The following PPARD variants were observed in gnomAD, a reference collection of about 807,000 sequenced individuals.
PPARD encodes peroxisome proliferator activated receptor delta.
In PPARD, 6 loss-of-function variants were observed where a neutral mutation model predicts 39.5. The observed-to-expected ratio is 0.15, with a 90% CI of 0.08 to 0.30. The LOEUF is 0.30. Ranked by LOEUF, PPARD falls within the 10% of genes least tolerant of loss-of-function variation. PPARD has a pLI of 1.00. For missense variants in PPARD, 397 were observed against 596.8 expected (o/e 0.67, Z 3.49); for synonymous variants, 210 against 231.3 (o/e 0.91, Z 0.83).
chr6:35,356,769 T>A (rs900551709), intron 2 of PPARD, among the ~76,000 whole-genome samples: 1 of 152,090 alleles, frequency 6.6e-6, no homozygotes, highest in African/African-American at 2.4e-5. Context: ...TGGTTGAGAG[T>A]CACTGCTCTA....
chr6:35,423,150 T>C (rs959459983), intron 5 of PPARD, among the ~76,000 whole-genome samples: 1 of 151,592 alleles, frequency 6.6e-6, no homozygotes. Context: ...AGGATCACTT[T>C]AGCCCAGGAG....
In PPARD at chr6:35,345,325, G is replaced by T. The variant is rs114950576; in HGVS notation, c.-185-1742G>T. ...TTCTGACACAAGGTTTTGTTCTATTGCCCAGGCTGGAGTGCAGTGGTGCTA... is the reference window on the plus strand; with the variant it reads ...TTCTGACACAAGGTTTTGTTCTATTTCCCAGGCTGGAGTGCAGTGGTGCTA... On this transcript the variant is annotated intron_variant, in intron 1 of 7. Transcript: ENST00000360694. Among the ~76,000 whole-genome samples the T allele has an allele frequency of 7.4e-3, 1,120 of 152,100 alleles. 11 individuals carry two copies. The highest frequency in any genetic ancestry group is 0.026 in the African/African-American group (1,070 of 41,484).
At chr6:35,357,015 G>A (rs1395322345) in intron 2 of PPARD, among the ~76,000 whole-genome samples, 1 of 150,868 alleles carries the variant, frequency 6.6e-6, no homozygotes, top group Non-Finnish European at 1.5e-5. Context: ...TGTCCACAAT[G>A]TACAGCTCTT....
At chr6:35,364,517 T>G (rs1470142206) in intron 2 of PPARD, among the ~76,000 whole-genome samples, 1 of 149,226 alleles carries the variant, frequency 6.7e-6, no homozygotes, top group Non-Finnish European at 1.5e-5. Flanking sequence ...CACTGCAACC[T>G]GAACCTCCCT....
At chr6:35,371,099 C>T (rs1053781401) in intron 2 of PPARD, among the ~76,000 whole-genome samples, 1 of 152,206 alleles carries the variant, frequency 6.6e-6, no homozygotes, top group Non-Finnish European at 1.5e-5. Flanking sequence ...TTAGAAATCA[C>T]TCACATGTTG....
intron 2 of PPARD, among the ~76,000 whole-genome samples, chr6:35,376,059 A>G (rs1762798021): frequency 6.6e-6 from 1 of 152,212 alleles, no homozygotes; most frequent in Admixed American, 6.5e-5. Context: ...CTTCTTGCTC[A>G]GGATTTGGTG....
chr6:35,364,121 C>G (rs545429834), intron 2 of PPARD, among the ~76,000 whole-genome samples: 1 of 152,226 alleles, frequency 6.6e-6, no homozygotes, highest in East Asian at 1.9e-4. Context: ...TTTCCCTATC[C>G]TGGACATTTC....
In PPARD at chr6:35,425,992, C is replaced by T. The variant is rs145085831; in HGVS notation, c.1239C>T (p.His413=). 3.7e-5 allele frequency: 59 copies of T among 1,614,188 alleles called. No individual in the cohort carries two copies. The highest frequency in any genetic ancestry group is 3.3e-4 in the Middle Eastern group (2 of 6,062). ...MADLRQLVTE[H]AQMMQRIKKT... is the part of the protein sequence containing the mutation. Reference sequence around the variant, plus strand: ...ACCTGCGGCAACTGGTCACCGAGCACGCCCAGATGATGCAGCGGATCAAGA... The same window carrying T: ...ACCTGCGGCAACTGGTCACCGAGCATGCCCAGATGATGCAGCGGATCAAGA... Residue 413 remains histidine (H), a synonymous_variant, in exon 8 of 8, where the codon CAC becomes CAT. Coordinates refer to ENST00000360694, the MANE Select transcript of PPARD (RefSeq NM_006238.5). The surrounding 1 kb of genome is among the most constrained non-coding windows in gnomAD (Gnocchi z 4.5).
chr6:35,392,016 C>T (rs950099358), intron 2 of PPARD, among the ~76,000 whole-genome samples: 1 of 151,938 alleles, frequency 6.6e-6, no homozygotes, highest in African/African-American at 2.4e-5. Context: ...CAGAAGAGCA[C>T]CAAGCCTTAT....
chr6:35,357,976 T>G (rs1454402084), intron 2 of PPARD, among the ~76,000 whole-genome samples: 1 of 152,220 alleles, frequency 6.6e-6, no homozygotes, highest in East Asian at 1.9e-4. Flanking sequence ...TGGAGCTTGC[T>G]TCCTTGGTGG....
At chr6:35,369,687 A>G (rs1164048067) in intron 2 of PPARD, among the ~76,000 whole-genome samples, 3 of 152,230 alleles carry the variant, frequency 2.0e-5, no homozygotes, top group Non-Finnish European at 4.4e-5. Context: ...TTAATAGCAG[A>G]GCGGTATTCA....
chr6:35,426,044 C>T lies in PPARD; in HGVS notation c.1291C>T (p.Pro431Ser), dbSNP rs778624140. The T allele has an allele frequency of 1.2e-6, 2 of 1,613,030 alleles. No individual in the cohort carries two copies. The highest frequency in any genetic ancestry group is 1.7e-5 in the Admixed American group (1 of 59,968). The change falls in exon 8 of 8, where the codon CCT becomes TCT. Residue 431 changes from proline (P) to serine (S), a missense_variant. Pro to Ser is a moderately conservative substitution (Grantham distance 74). Transcript: ENST00000360694. ...GACCGAAACCGAGACCTCGCTGCAC[C>T]CTCTGCTCCAGGAGATCTACAAGGA... is the stretch of plus-strand genomic sequence containing the variant. ...KKTETETSLHPLLQEIYKDMY is the reference protein window; with the variant it reads ...KKTETETSLHSLLQEIYKDMY
chr6:35,391,390 A>G (rs1336518292), intron 2 of PPARD, among the ~76,000 whole-genome samples: 1 of 152,252 alleles, frequency 6.6e-6, no homozygotes, highest in South Asian at 2.1e-4. Flanking sequence ...TCCACATTCC[A>G]TATCTGTTGG....
chr6:35,367,329 A>C (rs1395060775), intron 2 of PPARD, among the ~76,000 whole-genome samples: 1 of 152,070 alleles, frequency 6.6e-6, no homozygotes, highest in Non-Finnish European at 1.5e-5. Context: ...AAAGACTCTA[A>C]ATGTGGAAAA....
rs200968345 is a variant in PPARD at position 35,426,197 on chromosome 6, G to A, written c.*118G>A. Reference sequence around the variant, plus strand: ...CCGGCCTGGAGCAGCAGAGTCCCACGATCGCCCTCAGACACATGACACCCA... The same window carrying A: ...CCGGCCTGGAGCAGCAGAGTCCCACAATCGCCCTCAGACACATGACACCCA... On this transcript the variant is annotated 3_prime_UTR_variant, in exon 8 of 8. Transcript: ENST00000360694. 45 of 1,407,632 alleles carry A rather than the reference G, an allele frequency of 3.2e-5. No individual in the cohort carries two copies. The highest frequency in any genetic ancestry group is 1.7e-4 in the South Asian group (12 of 71,742). The allele number at this position is 1,407,632 out of a possible 1,614,324, so 87.2% of individuals were successfully genotyped here. A position where few individuals can be genotyped will look rare whatever the true frequency, so the allele number is the denominator to read the frequency against.
At chr6:35,347,599 A>G (rs931279933) in intron 2 of PPARD, among the ~76,000 whole-genome samples, 3 of 150,018 alleles carry the variant, frequency 2.0e-5, no homozygotes, top group African/African-American at 5.0e-5. Context: ...ATATATATAT[A>G]TATATTTTGT....
intron 2 of PPARD, among the ~76,000 whole-genome samples, chr6:35,367,214 A>C (rs1012916924): frequency 3.3e-5 from 5 of 152,186 alleles, no homozygotes; most frequent in Non-Finnish European, 7.4e-5. Flanking sequence ...GGAGAAGGTG[A>C]GTGATTTGGG....
intron 2 of PPARD, among the ~76,000 whole-genome samples, chr6:35,369,020 T>G (rs1762346264): frequency 6.6e-6 from 1 of 152,218 alleles, no homozygotes; most frequent in Non-Finnish European, 1.5e-5. Context: ...ACCTTTCTAG[T>G]CTTGTGCCTT....
intron 2 of PPARD, among the ~76,000 whole-genome samples, chr6:35,410,749 T>G (rs1386080443): frequency 6.6e-6 from 1 of 152,052 alleles, no homozygotes; most frequent in Admixed American, 6.5e-5. Flanking sequence ...CTCTCTAGTT[T>G]ATGGAGCCTG....
Sources: allele counts gnomAD v4.1 joint callset (sites outside exome capture counted in the v4.1 genomes callset), GRCh38; gene constraint gnomAD v4.1.1; non-coding constraint Gnocchi (gnomAD v3.1); transcripts MANE v1.5; gene names NCBI Gene and HGNC (gene_info 2026-07-23, HGNC 2026-07-21).